The following DCDC1 variants were observed in gnomAD, a reference collection of about 807,000 sequenced individuals.
DCDC1 encodes the protein doublecortin domain containing 1, also known as doublecortin domain-containing protein 1.
DCDC1 carries 200 observed loss-of-function variants against 178.3 expected under a neutral mutation model. The ratio of observed to expected loss-of-function variants is 1.12; its 90% confidence interval spans 1.00 to 1.26. The LOEUF (loss-of-function observed/expected upper bound fraction) is 1.26, where lower values mean the gene tolerates loss of function less well. Among genes scored for constraint, DCDC1 ranks in the 50% most tolerant of loss-of-function variants. The pLI is 0.00. For synonymous variants in DCDC1, 690 were observed against 604.8 expected, an observed-to-expected ratio of 1.14 and a Z score of -2.07; for missense variants, 1,983 against 1,749.2, an observed-to-expected ratio of 1.13 and a Z score of -2.38.
chr11:31,209,311 G>A (rs117784303), intron 9 of DCDC1, among the ~76,000 whole-genome samples: 1 of 152,302 alleles, frequency 6.6e-6, no homozygotes, highest in Non-Finnish European at 1.5e-5. Flanking sequence ...CCTGGCAAAG[G>A]CAGGGAATGG....
At chr11:31,004,147 A>G (rs1951715969) in intron 20 of DCDC1, among the ~76,000 whole-genome samples, 1 of 152,164 alleles carries the variant, frequency 6.6e-6, no homozygotes, top group Non-Finnish European at 1.5e-5. Flanking sequence ...TCTGAGGAGG[A>G]TATATAAGAA....
chr11:30,884,880 A>T (rs1040443287), intron 36 of DCDC1, among the ~76,000 whole-genome samples: 18 of 152,094 alleles, frequency 1.2e-4, no homozygotes, highest in African/African-American at 4.3e-4. Flanking sequence ...GAAATTAATT[A>T]ATAGTCTAAT....
intron 20 of DCDC1, among the ~76,000 whole-genome samples, chr11:31,021,941 C>T (rs572303822): frequency 3.5e-4 from 53 of 152,212 alleles, no homozygotes; most frequent in African/African-American, 1.2e-3. Context: ...AGCAGGATCA[C>T]TTTATCTACC....
intron 9 of DCDC1, among the ~76,000 whole-genome samples, chr11:31,141,267 A>G (rs1963792125): frequency 6.6e-6 from 1 of 152,218 alleles, no homozygotes; most frequent in South Asian, 2.1e-4. Context: ...GAGTTCAATT[A>G]TTAATATCTT....
At chr11:31,311,592 C>A (rs1207643572) in intron 3 of DCDC1, among the ~76,000 whole-genome samples, 1 of 152,166 alleles carries the variant, frequency 6.6e-6, no homozygotes, top group Non-Finnish European at 1.5e-5. Context: ...GCCATGATTG[C>A]AGGCCCAGTC....
At chr11:31,011,084 T>A (rs1952139534) in intron 20 of DCDC1, among the ~76,000 whole-genome samples, 1 of 152,108 alleles carries the variant, frequency 6.6e-6, no homozygotes, top group Non-Finnish European at 1.5e-5. Flanking sequence ...AATGGACTCA[T>A]CAATAAATAG....
rs59770180 is a variant in DCDC1, at chr11:30,888,098, A to AAAAGAAAGAAAGAAAGAAAG, written c.5082+4700_5082+4719dup. On this transcript the variant is annotated intron_variant, in intron 36 of 38. Transcript: ENST00000684477. ...AGAGAGAGAGAGAAAGAAAGAAAGA[A>AAAAGAAAGAAAGAAAGAAAG]AAAGAAAGAAAGAAAGAAAGAAAGA... Among the ~76,000 whole-genome samples the AAAAGAAAGAAAGAAAGAAAG allele has an allele frequency of 9.5e-5, 10 of 105,502 alleles. 1 individual carries two copies. Among genetic ancestry groups the AAAAGAAAGAAAGAAAGAAAG allele is most frequent in the East Asian group, 2.8e-4 (1 of 3,612 alleles). The allele number at this position is 105,502 out of a possible 152,430, so 69.2% of individuals were successfully genotyped here. A position where few individuals can be genotyped will look rare whatever the true frequency, so the allele number is the denominator to read the frequency against.
chr11:31,230,453 A>G (rs1284355555), intron 9 of DCDC1, among the ~76,000 whole-genome samples: 2 of 152,148 alleles, frequency 1.3e-5, no homozygotes, highest in Admixed American at 6.6e-5. Flanking sequence ...CACGCAGGCC[A>G]AGAGCAAGAT....
At chr11:31,300,921 T>C (rs942849998) in intron 6 of DCDC1, among the ~76,000 whole-genome samples, 2 of 152,296 alleles carry the variant, frequency 1.3e-5, no homozygotes, top group Admixed American at 6.5e-5. Context: ...TTTCAATGAT[T>C]TGGTATTTGA....
chr11:30,870,548 G>A (rs551131322), intron 38 of DCDC1, among the ~76,000 whole-genome samples: 3 of 152,252 alleles, frequency 2.0e-5, no homozygotes, highest in South Asian at 2.1e-4. Context: ...TACATTAAAC[G>A]AGAGGCAAGG....
intron 9 of DCDC1, among the ~76,000 whole-genome samples, chr11:31,230,130 T>G (rs917562510): frequency 2.6e-5 from 4 of 152,064 alleles, no homozygotes; most frequent in African/African-American, 9.7e-5. Flanking sequence ...CACAAAAATC[T>G]TTTACAACTA....
intron 9 of DCDC1, among the ~76,000 whole-genome samples, chr11:31,192,268 C>A (rs2136358427): frequency 6.6e-6 from 1 of 152,120 alleles, no homozygotes; most frequent in East Asian, 1.9e-4. Flanking sequence ...ACTTTTTTTC[C>A]TAGAAGTTCA....
At chr11:31,214,302 A>G (rs946963452) in intron 9 of DCDC1, among the ~76,000 whole-genome samples, 3 of 152,232 alleles carry the variant, frequency 2.0e-5, no homozygotes, top group African/African-American at 4.8e-5. Context: ...TACTTTACCT[A>G]TATGAAACTT....
Position 31,277,518 on chromosome 11 carries a change from G to A in DCDC1, c.961-11918C>T, listed in dbSNP as rs139762443. ...TCAAACTGTTTTGCCAAGTGGCTGC[G>A]TCATTTTGCATTCTTATCAGCTAAA... On this transcript the variant is annotated intron_variant, in intron 7 of 38. Transcript: ENST00000684477. Among the ~76,000 whole-genome samples, 331 of 152,144 alleles carry A rather than the reference G, an allele frequency of 2.2e-3. 2 individuals carry two copies. Among genetic ancestry groups the A allele is most frequent in the African/African-American group, 7.4e-3 (306 of 41,550 alleles).
chr11:31,337,798 TA>T (rs1950347884), intron 1 of DCDC1, among the ~76,000 whole-genome samples: 1 of 152,098 alleles, frequency 6.6e-6, no homozygotes, highest in African/African-American at 2.4e-5. Flanking sequence ...AGTCAGGGAA[TA>T]AAAAACCAGT....
chr11:31,345,232 T>C (rs1434350325), intron 1 of DCDC1, among the ~76,000 whole-genome samples: 1 of 152,184 alleles, frequency 6.6e-6, no homozygotes, highest in Non-Finnish European at 1.5e-5. Context: ...TAAAAAACTT[T>C]CAATTATAAA....
intron 11 of DCDC1, among the ~76,000 whole-genome samples, chr11:31,118,209 G>A (rs866440228): frequency 6.6e-6 from 1 of 152,140 alleles, no homozygotes; most frequent in Non-Finnish European, 1.5e-5. Flanking sequence ...CTTGGAAAGA[G>A]TGTATGCTTT....
At chr11:31,332,013 CT>C (rs551723181) in intron 2 of DCDC1, among the ~76,000 whole-genome samples, 1 of 152,078 alleles carries the variant, frequency 6.6e-6, no homozygotes, top group East Asian at 1.9e-4. Flanking sequence ...TGGTCCTGAA[CT>C]TTTTTTGGTT....
intron 10 of DCDC1, among the ~76,000 whole-genome samples, chr11:31,134,218 G>A (rs1040383176): frequency 2.0e-5 from 3 of 152,240 alleles, no homozygotes; most frequent in African/African-American, 7.2e-5. Context: ...ATGGGGTTAT[G>A]TTGATAGCAA....
Sources: allele counts gnomAD v4.1 joint callset (sites outside exome capture counted in the v4.1 genomes callset), GRCh38; gene constraint gnomAD v4.1.1; transcripts MANE v1.5; gene names NCBI Gene and HGNC (gene_info 2026-07-23, HGNC 2026-07-21).